The following TUT4 variants were observed in gnomAD, a reference collection of about 807,000 sequenced individuals.
TUT4 encodes the protein terminal uridylyl transferase 4.
Under a neutral mutation model 192.2 loss-of-function variants are expected in TUT4, and 36 were observed. The ratio of observed to expected loss-of-function variants is 0.19; its 90% CI spans 0.14 to 0.25. TUT4 has a LOEUF of 0.25. Ranked by LOEUF, TUT4 falls within the 10% of genes least tolerant of loss-of-function variation. The pLI, the probability that TUT4 is intolerant of heterozygous loss-of-function variation, is 1.00. For missense variants in TUT4, 1,493 were observed against 1,957.2 expected, an observed-to-expected ratio of 0.76 and a Z score of 4.47; for synonymous variants, 618 against 666.0, an observed-to-expected ratio of 0.93 and a Z score of 1.11.
At chr1:52,469,910 A>C (rs1665249292) in intron 14 of TUT4, among the ~76,000 whole-genome samples, 1 of 150,134 alleles carries the variant, frequency 6.7e-6, no homozygotes, top group Admixed American at 6.6e-5. Context: ...AAAAAAAAAA[A>C]GACGGCTACA....
intron 15 of TUT4, among the ~76,000 whole-genome samples, chr1:52,467,661 T>TAGAA (rs1204613315): frequency 6.6e-6 from 1 of 152,118 alleles, no homozygotes; most frequent in African/African-American, 2.4e-5. Flanking sequence ...TTCAAAGGCT[T>TAGAA]TCTACCAACA....
At chr1:52,539,263 T>C (rs1210633680) in intron 1 of TUT4, among the ~76,000 whole-genome samples, 1 of 152,106 alleles carries the variant, frequency 6.6e-6, no homozygotes, top group Non-Finnish European at 1.5e-5. Context: ...CACTAGAAGA[T>C]AGAAATTAAG....
intron 11 of TUT4, among the ~76,000 whole-genome samples, chr1:52,479,853 G>T (rs1668031286): frequency 1.3e-5 from 2 of 152,028 alleles, no homozygotes; most frequent in South Asian, 4.1e-4. Flanking sequence ...AATTAGCCGG[G>T]CATGGTGGCC....
Position 52,423,738 on chromosome 1 carries a change from TA to T in TUT4, c.*196del. 7.5e-7 allele frequency: 1 copy of T among 1,338,606 alleles called. No homozygotes were observed. The highest frequency in any genetic ancestry group is 1.0e-6 in the Non-Finnish European group (1 of 980,194). 82.9% of individuals were successfully genotyped at this position (1,338,606 alleles called of 1,614,324 possible). A position where few individuals can be genotyped will look rare whatever the true frequency, so the allele number is the denominator to read the frequency against. Reference sequence around the variant, plus strand: ...ATTTATATACAAATAATACAGTCTGTAAAAACAGTCTTAGAATTTAAATAAG... The same window carrying T: ...ATTTATATACAAATAATACAGTCTGTAAAACAGTCTTAGAATTTAAATAAG... On this transcript the variant is annotated 3_prime_UTR_variant, in exon 30 of 30. Transcript: ENST00000257177.
chr1:52,486,608 T>C (rs1188558861), intron 9 of TUT4, among the ~76,000 whole-genome samples: 3 of 152,212 alleles, frequency 2.0e-5, no homozygotes, highest in Non-Finnish European at 4.4e-5. Context: ...CTAGGAATTA[T>C]TTCTAAGTTT....
chr1:52,524,382 G>T (rs938028337), intron 2 of TUT4, among the ~76,000 whole-genome samples: 5 of 151,958 alleles, frequency 3.3e-5, no homozygotes, highest in Non-Finnish European at 7.4e-5. Flanking sequence ...AATTAGCCAG[G>T]CTTGGTGGCA....
chr1:52,454,182 A>C (rs1317738731), intron 20 of TUT4, among the ~76,000 whole-genome samples: 1 of 152,204 alleles, frequency 6.6e-6, no homozygotes, highest in Admixed American at 6.6e-5. Flanking sequence ...TTCAATCCCA[A>C]TCAAAATTCT....
At chr1:52,476,965 T>G (rs1423400109) in intron 12 of TUT4, among the ~76,000 whole-genome samples, 6 of 152,216 alleles carry the variant, frequency 3.9e-5, no homozygotes, top group East Asian at 3.8e-4. Context: ...AAGATCTTAA[T>G]GGTCTTGGGA....
At position 52,445,881 on chromosome 1, in the gene TUT4, A is replaced by G. The variant is rs765338116; in HGVS notation, c.3740-12T>C. 1.2e-6 allele frequency: 2 copies of G among 1,606,364 alleles called. No homozygotes were observed. Among genetic ancestry groups the G allele is most frequent in the East Asian group, 2.2e-5 (1 of 44,728 alleles). On this transcript the variant is annotated splice_polypyrimidine_tract_variant and intron_variant, in intron 23 of 29. Coordinates refer to ENST00000257177, the MANE Select transcript of TUT4 (RefSeq NM_001009881.3). ...GATGAAATTGGTCACTATTAAAGAAAGAAGAAAACAATAAAGATGCAGACA... is the reference window on the plus strand; with the variant it reads ...GATGAAATTGGTCACTATTAAAGAAGGAAGAAAACAATAAAGATGCAGACA...
chr1:52,532,192 A>G (rs1395774885), intron 1 of TUT4, among the ~76,000 whole-genome samples: 1 of 151,896 alleles, frequency 6.6e-6, no homozygotes, highest in Non-Finnish European at 1.5e-5. Flanking sequence ...AAACAAATAC[A>G]TTTACATGGT....
Position 52,493,813 on chromosome 1 carries a change from GT to G in TUT4, c.1267-152del, listed in dbSNP as rs370775811. On this transcript the variant is annotated intron_variant, in intron 6 of 29. Transcript: ENST00000257177. ...GAAAACAGAATCGTGTTTTTTTTTT[GT>G]TTTTTTTTGAGATGAGGTTTCCCTG... 1.7e-4 allele frequency: 97 copies of G among 555,308 alleles called. 1 individual carries two copies. The Middle Eastern group carries it at 1.8e-3, about 11-fold the overall frequency. 34.4% of individuals were successfully genotyped at this position (555,308 alleles called of 1,614,324 possible).
At chr1:52,473,555 T>C (rs1054857241) in intron 13 of TUT4, among the ~76,000 whole-genome samples, 2 of 152,186 alleles carry the variant, frequency 1.3e-5, no homozygotes, top group African/African-American at 2.4e-5. Flanking sequence ...TAAATATCTA[T>C]AGCTTTTTAA....
intron 1 of TUT4, among the ~76,000 whole-genome samples, chr1:52,542,615 T>C (rs944738679): frequency 4.6e-5 from 7 of 152,248 alleles, no homozygotes; most frequent in African/African-American, 9.6e-5. Context: ...AATCTAGGAA[T>C]AGAAAGAAAC....
chr1:52,480,937 C>T (rs1360271131), intron 11 of TUT4, among the ~76,000 whole-genome samples: 1 of 152,126 alleles, frequency 6.6e-6, no homozygotes, highest in African/African-American at 2.4e-5. Context: ...TGCATCTGTC[C>T]ATTTAGAAGA....
At chr1:52,445,506 C>T (rs1657279317) in intron 24 of TUT4, among the ~76,000 whole-genome samples, 1 of 152,194 alleles carries the variant, frequency 6.6e-6, no homozygotes, top group Non-Finnish European at 1.5e-5. Flanking sequence ...ATGCGCCAGA[C>T]ACTATGTATG....
intron 9 of TUT4, among the ~76,000 whole-genome samples, chr1:52,482,654 C>T (rs1276665090): frequency 2.0e-5 from 3 of 152,174 alleles, no homozygotes; most frequent in East Asian, 3.9e-4. Flanking sequence ...AGGCTGGTCT[C>T]GAACCCTTGG....
At chr1:52,474,111 G>A (rs965416057) in intron 13 of TUT4, among the ~76,000 whole-genome samples, 2 of 152,214 alleles carry the variant, frequency 1.3e-5, no homozygotes, top group Non-Finnish European at 2.9e-5. Flanking sequence ...AGGAGGCTGA[G>A]GTGGGAGAAT....
At chr1:52,428,754 GCACTC>G (rs1650926044) in intron 28 of TUT4, among the ~76,000 whole-genome samples, 3 of 152,076 alleles carry the variant, frequency 2.0e-5, no homozygotes, top group African/African-American at 7.2e-5. Context: ...TTGTTCCACT[GCACTC>G]CAGCCTGGCA....
intron 1 of TUT4, among the ~76,000 whole-genome samples, chr1:52,527,047 T>C (rs1289648071): frequency 6.6e-6 from 1 of 151,782 alleles, no homozygotes; most frequent in Non-Finnish European, 1.5e-5. Context: ...AGAATCCCAA[T>C]CTTTATGTGC....
Sources: gnomAD v4.1 joint callset for allele counts (sites outside exome capture counted in the v4.1 genomes callset) on GRCh38, gnomAD v4.1.1 for gene constraint, MANE v1.5 for transcripts, NCBI Gene and HGNC (gene_info 2026-07-23, HGNC 2026-07-21) for gene names.